The following ZFAND1 variants were observed in gnomAD, a reference collection of about 807,000 sequenced individuals.
ZFAND1 encodes zinc finger AN1-type containing 1.
In ZFAND1, 40 loss-of-function variants were observed where a neutral mutation model predicts 38.5. That is an observed-to-expected ratio of 1.04 (90% CI 0.81 to 1.35). The LOEUF (loss-of-function observed/expected upper bound fraction) is 1.35, where lower values mean the gene tolerates loss of function less well. ZFAND1 is among the 40% of genes most tolerant of loss of function. ZFAND1 has a pLI of 0.00. For missense variants in ZFAND1, 346 were observed against 316.3 expected, an observed-to-expected ratio of 1.09 and a Z score of -0.71; for synonymous variants, 117 against 103.6, an observed-to-expected ratio of 1.13 and a Z score of -0.78.
chr8:81,703,408 G>C (rs1807871853), intron 6 of ZFAND1, among the ~76,000 whole-genome samples: 1 of 99,652 alleles, frequency 1.0e-5, no homozygotes, highest in African/African-American at 4.0e-5. Flanking sequence ...GAGACAAAGA[G>C]CACTCTCCTT....
intron 3 of ZFAND1, 111 bp from the exon 4 acceptor site, chr8:81,715,225 A>G: frequency 9.3e-7 from 1 of 1,072,420 alleles, no homozygotes; most frequent in Non-Finnish European, 1.3e-6. Context: ...TTATTAGAGC[A>G]AGTTACTTAC....
chr8:81,717,399 A>G, intron 2 of ZFAND1, 111 bp from the exon 3 acceptor site: 1 of 696,030 alleles, frequency 1.4e-6, no homozygotes, highest in Non-Finnish European at 2.2e-6. Flanking sequence ...CTCATACTAC[A>G]TTAATAACTT....
chr8:81,705,843 G>A (rs1807963629), intron 6 of ZFAND1, among the ~76,000 whole-genome samples: 1 of 152,184 alleles, frequency 6.6e-6, no homozygotes, highest in Non-Finnish European at 1.5e-5. Context: ...GTTTGAACCG[G>A]GGAAGTAGAG....
intron 5 of ZFAND1, 66 bp from the exon 6 acceptor site, chr8:81,714,105 A>G (rs1808227580): frequency 2.1e-6 from 3 of 1,409,746 alleles, no homozygotes; most frequent in Non-Finnish European, 2.9e-6. Flanking sequence ...ATTATAATAC[A>G]CTTATTAATT....
At chr8:81,709,833 G>C (rs1013477284) in intron 6 of ZFAND1, among the ~76,000 whole-genome samples, 2 of 152,136 alleles carry the variant, frequency 1.3e-5, no homozygotes, top group Non-Finnish European at 2.9e-5. Context: ...CCACTTACTA[G>C]CTATGTTAAT....
rs1271713312 is a variant in ZFAND1 at position 81,715,021 on chromosome 8, T to A, written c.232A>T (p.Ile78Leu). The part of the protein sequence containing the change: ...DCAERELVAV[I>L]CPYCEKNFCL... ...AAATTCTTCTCACAATAAGGACATA[T>A]AACTGCCACAAGTTCTCTCTCAGCA... Residue 78 changes from isoleucine (I) to leucine (L), a missense_variant, in exon 4 of 8, where the codon ATA becomes TTA. Physicochemically the swap from Ile to Leu is conservative, Grantham distance 5. Coordinates refer to ENST00000220669, the MANE Select transcript of ZFAND1 (RefSeq NM_024699.3). The A allele has an allele frequency of 1.2e-6, 2 of 1,613,992 alleles. No individual in the cohort carries two copies. Among genetic ancestry groups the A allele is most frequent in the African/African-American group, 2.7e-5 (2 of 74,928 alleles).
chr8:81,717,262 T>C lies in ZFAND1; in HGVS notation c.125A>G (p.His42Arg), dbSNP rs896177886. The change falls in exon 3 of 8, where the codon CAT (histidine) becomes CGT (arginine). Residue 42 changes from histidine to arginine, a missense_variant. Transcript: ENST00000220669. Reference protein sequence around the residue: ...FCLEHRSRESHGCPEVTVINE... With the variant: ...FCLEHRSRESRGCPEVTVINE... ...ATACTAACATACCTCAGGACAACCA[T>C]GAGACTCCCTGCTTCTGTGTTCAAG... 2.6e-6 allele frequency: 4 copies of C among 1,540,430 alleles called. No homozygotes were observed. Among genetic ancestry groups the C allele is most frequent in the Non-Finnish European group, 3.5e-6 (4 of 1,151,788 alleles).
At chr8:81,710,012 G>C (rs1470714488) in intron 6 of ZFAND1, among the ~76,000 whole-genome samples, 1 of 152,184 alleles carries the variant, frequency 6.6e-6, no homozygotes, top group Non-Finnish European at 1.5e-5. Flanking sequence ...CTGAATACTT[G>C]AGAGCAGGTC....
At chr8:81,709,666 A>G (rs901488529) in intron 6 of ZFAND1, among the ~76,000 whole-genome samples, 1 of 152,148 alleles carries the variant, frequency 6.6e-6, no homozygotes, top group South Asian at 2.1e-4. Flanking sequence ...ACACCCACAT[A>G]TATCTCTAGT....
At chr8:81,719,321 A>ACACACACACACG (rs1277884950) in intron 1 of ZFAND1, among the ~76,000 whole-genome samples, 1 of 146,012 alleles carries the variant, frequency 6.8e-6, no homozygotes, top group Non-Finnish European at 1.5e-5. Context: ...ACACACACAC[A>ACACACACACACG]CACACACACA....
At chr8:81,710,592 T>TA (rs887741785) in intron 6 of ZFAND1, among the ~76,000 whole-genome samples, 9 of 151,594 alleles carry the variant, frequency 5.9e-5, no homozygotes, top group South Asian at 2.1e-4. Context: ...CAAACTGGTT[T>TA]AAAAAAAACA....
intron 1 of ZFAND1, among the ~76,000 whole-genome samples, chr8:81,719,783 A>G (rs967417521): frequency 1.3e-5 from 2 of 152,214 alleles, no homozygotes; most frequent in African/African-American, 4.8e-5. Flanking sequence ...AGTTATTGAC[A>G]CTAAAGACAT....
chr8:81,713,623 T>C (rs1001395939), intron 6 of ZFAND1, among the ~76,000 whole-genome samples: 2 of 151,784 alleles, frequency 1.3e-5, no homozygotes, highest in African/African-American at 4.8e-5. Flanking sequence ...TAGCAAAAAA[T>C]TGAAAAAAAT....
chr8:81,713,476 A>G (rs563207981), intron 6 of ZFAND1, among the ~76,000 whole-genome samples: 1 of 152,034 alleles, frequency 6.6e-6, no homozygotes, highest in African/African-American at 2.4e-5. Context: ...ATAACACTCA[A>G]CTGTGTTAAG....
chr8:81,705,869 G>A (rs1324719343), intron 6 of ZFAND1, among the ~76,000 whole-genome samples: 1 of 152,210 alleles, frequency 6.6e-6, no homozygotes, highest in African/African-American at 2.4e-5. Context: ...AGTGAGCCGA[G>A]ACTGTGCCAC....
chr8:81,713,689 T>TG (rs1350959834), intron 6 of ZFAND1, among the ~76,000 whole-genome samples: 1 of 151,368 alleles, frequency 6.6e-6, no homozygotes, highest in East Asian at 1.9e-4. Context: ...ACATCCCAAG[T>TG]GGGAAAAAAA....
chr8:81,710,307 T>C (rs1308426761), intron 6 of ZFAND1, among the ~76,000 whole-genome samples: 1 of 152,196 alleles, frequency 6.6e-6, no homozygotes, highest in African/African-American at 2.4e-5. Flanking sequence ...CTTTTGATAG[T>C]TATACTTGTT....
chr8:81,709,303 A>G (rs930898436), intron 6 of ZFAND1, among the ~76,000 whole-genome samples: 8 of 152,182 alleles, frequency 5.3e-5, no homozygotes, highest in African/African-American at 1.9e-4. Context: ...CCTAATCACT[A>G]CATGAATTAT....
intron 5 of ZFAND1, 169 bp downstream of exon 5, chr8:81,714,635 G>T (rs74821796): frequency 1.6e-6 from 1 of 611,286 alleles, no homozygotes; most frequent in Non-Finnish European, 2.8e-6. Context: ...AATTTCCATC[G>T]GTCAGGTAGA....
Sources: gnomAD v4.1 joint callset for allele counts (sites outside exome capture counted in the v4.1 genomes callset) on GRCh38, gnomAD v4.1.1 for gene constraint, MANE v1.5 for transcripts, NCBI Gene and HGNC (gene_info 2026-07-23, HGNC 2026-07-21) for gene names.